Variants in FNIP1 observed in about 807,000 individuals in gnomAD.
FNIP1 encodes folliculin-interacting protein 1.
FNIP1 carries 40 observed loss-of-function variants against 124.5 expected under a neutral mutation model. That is an observed-to-expected ratio of 0.32 (90% CI 0.25 to 0.42). The LOEUF (loss-of-function observed/expected upper bound fraction) is 0.42, where lower values mean the gene tolerates loss of function less well. Among genes scored for constraint, FNIP1 ranks in the 10% least tolerant of loss-of-function variants. The pLI is 1.00. For missense variants in FNIP1, 1,176 were observed against 1,403.7 expected (o/e 0.84, Z 2.59); for synonymous variants, 472 against 470.6 (o/e 1.00, Z -0.04).
chr5:131,714,278 C>G (rs1217665746), intron 6 of FNIP1, among the ~76,000 whole-genome samples: 2 of 152,082 alleles, frequency 1.3e-5, no homozygotes, highest in African/African-American at 4.8e-5. Context: ...AACATTCTAC[C>G]CCTCTCTCCT....
intron 1 of FNIP1, among the ~76,000 whole-genome samples, chr5:131,747,808 TCTG>T (rs776321775): frequency 1.3e-5 from 2 of 152,054 alleles, no homozygotes; most frequent in Non-Finnish European, 2.9e-5. Flanking sequence ...TGACAGATAT[TCTG>T]CTATTTAAAA....
intron 1 of FNIP1, among the ~76,000 whole-genome samples, chr5:131,771,745 C>A (rs973398483): frequency 1.3e-5 from 2 of 152,012 alleles, no homozygotes; most frequent in Non-Finnish European, 2.9e-5. Context: ...TTCCCTATTC[C>A]TTATACCTCT....
At chr5:131,724,045 T>C (rs563783758) in intron 3 of FNIP1, among the ~76,000 whole-genome samples, 22 of 152,234 alleles carry the variant, frequency 1.4e-4, no homozygotes, top group Non-Finnish European at 2.4e-4. Context: ...GAACTCATCC[T>C]TTTTTATGGC....
chr5:131,688,702 T>TAAAAAAAAAAAA, intron 11 of FNIP1, among the ~76,000 whole-genome samples: 1 of 130,260 alleles, frequency 7.7e-6, no homozygotes, highest in Non-Finnish European at 1.6e-5. Flanking sequence ...TGCTAGCAAT[T>TAAAAAAAAAAAA]AAAAAAAAAA....
chr5:131,733,186 T>C (rs1330762480), intron 2 of FNIP1, among the ~76,000 whole-genome samples: 1 of 152,240 alleles, frequency 6.6e-6, no homozygotes, highest in Non-Finnish European at 1.5e-5. Context: ...TTTTGTATCC[T>C]GAGACTTTGC....
chr5:131,693,833 CCAAAA>C (rs994433679), intron 11 of FNIP1, among the ~76,000 whole-genome samples: 20 of 151,584 alleles, frequency 1.3e-4, no homozygotes, highest in South Asian at 2.1e-4. Context: ...GAACTGGTAT[CCAAAA>C]CAAAACAAAA....
chr5:131,739,326 C>A (rs138658303), intron 2 of FNIP1, among the ~76,000 whole-genome samples: 2 of 152,066 alleles, frequency 1.3e-5, no homozygotes, highest in Non-Finnish European at 2.9e-5. Flanking sequence ...AACAGTAAGA[C>A]GCCATCTTTA....
chr5:131,666,474 T>C (rs1454665124), intron 15 of FNIP1, among the ~76,000 whole-genome samples: 1 of 152,216 alleles, frequency 6.6e-6, no homozygotes, highest in Non-Finnish European at 1.5e-5. Context: ...AAAAGTCTTA[T>C]AACTTTGTAA....
At chr5:131,754,097 C>T (rs912318144) in intron 1 of FNIP1, among the ~76,000 whole-genome samples, 1 of 152,240 alleles carries the variant, frequency 6.6e-6, no homozygotes, top group African/African-American at 2.4e-5. Flanking sequence ...CAGGCATGAG[C>T]CACCATGTCC....
intron 1 of FNIP1, among the ~76,000 whole-genome samples, chr5:131,785,175 T>TGTC (rs1321139832): frequency 1.4e-4 from 12 of 88,686 alleles, no homozygotes; most frequent in Non-Finnish European, 2.1e-4. Flanking sequence ...ACTATATATA[T>TGTC]ATCATATATA....
In FNIP1 at chr5:131,772,418, AC is replaced by A. The variant is rs1303815451; in HGVS notation, c.92+24411del. On this transcript the variant is annotated intron_variant, in intron 1 of 17. Coordinates refer to ENST00000510461, the MANE Select transcript of FNIP1 (RefSeq NM_133372.3). The stretch of plus-strand genomic sequence containing the variant: ...CTGTATCTGAATAAAACAAATTCAA[AC>A]CAAAAAAAAAAAAAAAAATTACTGT... Among the ~76,000 whole-genome samples the A allele has an allele frequency of 6.7e-4, 38 of 56,492 alleles. No individual in the cohort carries two copies. In the East Asian group the frequency reaches 8.1e-3, roughly 12 times the overall value. 37.1% of individuals were successfully genotyped at this position (56,492 alleles called of 152,430 possible).
intron 1 of FNIP1, among the ~76,000 whole-genome samples, chr5:131,790,084 C>T (rs1396579731): frequency 6.6e-6 from 1 of 152,208 alleles, no homozygotes; most frequent in Non-Finnish European, 1.5e-5. Flanking sequence ...ATTGTTATTT[C>T]ATTTATTCAT....
rs367932963 is a variant in FNIP1, at chr5:131,676,214, GT to G, written c.1519+1488del. ...CTTCTAGTAGAGATGCGATTTCACC[GT>G]GTTAAGCCAGGATGGTCTCGATCTC... On this transcript the variant is annotated intron_variant, in intron 13 of 17. Coordinates refer to ENST00000510461, the MANE Select transcript of FNIP1 (RefSeq NM_133372.3). 5.3e-3 allele frequency among the ~76,000 whole-genome samples: 808 copies of G among 152,128 alleles called. 12 individuals are homozygous for G. Among genetic ancestry groups the G allele is most frequent in the African/African-American group, 0.019 (786 of 41,526 alleles).
At chr5:131,722,605 CA>C (rs1769705036) in intron 3 of FNIP1, among the ~76,000 whole-genome samples, 1 of 152,070 alleles carries the variant, frequency 6.6e-6, no homozygotes. Flanking sequence ...TAAGATAATC[CA>C]CGTTTAAATA....
In FNIP1 at chr5:131,644,736, C is replaced by G; in HGVS notation, c.3450G>C (p.Leu1150=). 1 of 1,613,828 alleles carries G rather than the reference C, an allele frequency of 6.2e-7. No homozygotes were observed. Among genetic ancestry groups the G allele is most frequent in the Non-Finnish European group, 8.5e-7 (1 of 1,179,916 alleles). Residue 1150 remains leucine, a synonymous_variant, in exon 18 of 18, where the codon CTG becomes CTC. Coordinates refer to ENST00000510461, the MANE Select transcript of FNIP1 (RefSeq NM_133372.3). ...GAGAGTGAGTGCTTGCTACAGCAGC[C>G]AGAAGTGGAAGATCACTGGATTCAA... ...LGIESSDLPL[L]AAVASTHSPY...
At chr5:131,655,444 C>T (rs1413449621) in intron 15 of FNIP1, among the ~76,000 whole-genome samples, 1 of 152,122 alleles carries the variant, frequency 6.6e-6, no homozygotes, top group African/African-American at 2.4e-5. Context: ...AAAACTTACA[C>T]ACTTACAAGG....
intron 1 of FNIP1, among the ~76,000 whole-genome samples, chr5:131,768,424 T>C (rs1487767291): frequency 6.6e-6 from 1 of 150,824 alleles, no homozygotes; most frequent in Non-Finnish European, 1.5e-5. Context: ...GCTAAAACAA[T>C]AGAGACCCAG....
intron 1 of FNIP1, among the ~76,000 whole-genome samples, chr5:131,786,838 G>T (rs1201932716): frequency 6.6e-6 from 1 of 152,120 alleles, no homozygotes; most frequent in Non-Finnish European, 1.5e-5. Context: ...TTAGCCTCCA[G>T]AACTATGAGC....
chr5:131,706,524 G>A lies in FNIP1; in HGVS notation c.801C>T (p.Ile267=), dbSNP rs754108726. The change falls in exon 9 of 18, where the codon ATC becomes ATT. Residue 267 remains isoleucine (I), a synonymous_variant. Coordinates refer to ENST00000510461, the MANE Select transcript of FNIP1 (RefSeq NM_133372.3). ...AGGAGTTTGGGGAAGGAAATGGAGTGATCAGCAAGCTGCTGAGAGATGCTG... is the reference window on the plus strand; with the variant it reads ...AGGAGTTTGGGGAAGGAAATGGAGTAATCAGCAAGCTGCTGAGAGATGCTG... ...ARSASLSSLL[I]TPFPSPNSSL... is the part of the protein sequence containing the mutation. 10 of 1,605,290 alleles carry A rather than the reference G, an allele frequency of 6.2e-6. No individual in the cohort carries two copies. Among genetic ancestry groups the A allele is most frequent in the Non-Finnish European group, 7.7e-6 (9 of 1,175,570 alleles).
Sources: allele counts gnomAD v4.1 joint callset (sites outside exome capture counted in the v4.1 genomes callset), GRCh38; gene constraint gnomAD v4.1.1; transcripts MANE v1.5; gene names NCBI Gene and HGNC (gene_info 2026-07-23, HGNC 2026-07-21).